Variants in COL22A1 observed in about 807,000 individuals in gnomAD.
The protein encoded by COL22A1 is collagen type XXII alpha 1 chain.
COL22A1 carries 221 observed loss-of-function variants against 248.9 expected under a neutral mutation model. That is an observed-to-expected ratio of 0.89 (90% CI 0.80 to 0.99). The LOEUF (loss-of-function observed/expected upper bound fraction) is 0.99, where lower values mean the gene tolerates loss of function less well. COL22A1 is among the 50% of genes least tolerant of loss of function. COL22A1 has a pLI of 0.00. For missense variants in COL22A1, 2,240 were observed against 2,179.0 expected (o/e 1.03, Z -0.56); for synonymous variants, 891 against 793.4 (o/e 1.12, Z -2.07).
intron 3 of COL22A1, among the ~76,000 whole-genome samples, chr8:138,861,247 G>T (rs1822433665): frequency 1.3e-5 from 2 of 152,202 alleles, no homozygotes; most frequent in Admixed American, 6.5e-5. Context: ...AAGGAGGTTA[G>T]ATCTCCACTC....
At chr8:138,882,407 C>T (rs929351710) in intron 2 of COL22A1, among the ~76,000 whole-genome samples, 1 of 92,248 alleles carries the variant, frequency 1.1e-5, no homozygotes, top group Non-Finnish European at 2.8e-5. Flanking sequence ...CAAACTCACA[C>T]ATATTCTCTC....
chr8:138,797,917 TATTG>T (rs1816688237), intron 11 of COL22A1, among the ~76,000 whole-genome samples: 4 of 152,172 alleles, frequency 2.6e-5, no homozygotes, highest in Admixed American at 2.0e-4. Flanking sequence ...TGTCTCCCTT[TATTG>T]ATTTTTTTGG....
At chr8:138,856,184 C>T (rs374604081) in intron 3 of COL22A1, among the ~76,000 whole-genome samples, 38 of 152,326 alleles carry the variant, frequency 2.5e-4, no homozygotes, top group African/African-American at 8.9e-4. Context: ...CCTCTCACCC[C>T]GAGGCTCCCC....
chr8:138,837,007 G>A (rs959571657), intron 4 of COL22A1, among the ~76,000 whole-genome samples: 1 of 152,314 alleles, frequency 6.6e-6, no homozygotes, highest in South Asian at 2.1e-4. Flanking sequence ...CAGTGAGGAA[G>A]TTATCCGGTT....
chr8:138,880,963 G>A (rs371286026), intron 2 of COL22A1, among the ~76,000 whole-genome samples: 86 of 152,222 alleles, frequency 5.6e-4, no homozygotes, highest in African/African-American at 1.1e-3. Flanking sequence ...GGGAACAGGC[G>A]GGATTGTGTG....
At chr8:138,781,667 C>T (rs1815019607) in intron 12 of COL22A1, among the ~76,000 whole-genome samples, 1 of 152,154 alleles carries the variant, frequency 6.6e-6, no homozygotes, top group African/African-American at 2.4e-5. Flanking sequence ...CTACTCCACA[C>T]ACATCCTGGA....
chr8:138,601,472 G>T (rs1169812765), intron 60 of COL22A1, among the ~76,000 whole-genome samples: 2 of 152,146 alleles, frequency 1.3e-5, no homozygotes, highest in African/African-American at 4.8e-5. Context: ...TCCGTGTCGT[G>T]CAACAGTGTG....
At chr8:138,597,902 C>A (rs779298860) in intron 61 of COL22A1, among the ~76,000 whole-genome samples, 2 of 152,172 alleles carry the variant, frequency 1.3e-5, no homozygotes, top group Non-Finnish European at 2.9e-5. Flanking sequence ...GGCTGCCTGG[C>A]GTCTTTCAGG....
At chr8:138,879,916 G>A (rs895072410) in intron 2 of COL22A1, among the ~76,000 whole-genome samples, 1 of 152,106 alleles carries the variant, frequency 6.6e-6, no homozygotes, top group African/African-American at 2.4e-5. Flanking sequence ...GTAGTGGCTG[G>A]GTGCACGAGA....
At chr8:138,748,689 C>T (rs532298899) in intron 22 of COL22A1, among the ~76,000 whole-genome samples, 1 of 152,156 alleles carries the variant, frequency 6.6e-6, no homozygotes, top group Non-Finnish European at 1.5e-5. Flanking sequence ...ATCTCCAGAC[C>T]CAGTGAATTG....
intron 60 of COL22A1, 57 bp downstream of exon 60, chr8:138,602,058 G>T: frequency 6.3e-7 from 1 of 1,586,438 alleles, no homozygotes; most frequent in Non-Finnish European, 8.7e-7. Flanking sequence ...AACATCCTGT[G>T]GCCACTGTGC....
In COL22A1 at chr8:138,850,840, A is replaced by G. The variant is rs553259185; in HGVS notation, c.659-6682T>C. On this transcript the variant is annotated intron_variant, in intron 3 of 64. Coordinates refer to ENST00000303045, the MANE Select transcript of COL22A1 (RefSeq NM_152888.3). ...TCCCCTTTCCATCCACAGTTGTCCT[A>G]AAGGTTAAATAGGATGGACAGTGGA... Among the ~76,000 whole-genome samples, 27 of 152,352 alleles carry G rather than the reference A, an allele frequency of 1.8e-4. No individual in the cohort carries two copies. The East Asian group carries it at 4.8e-3, about 27-fold the overall frequency.
intron 25 of COL22A1, among the ~76,000 whole-genome samples, chr8:138,723,923 C>T (rs181054063): frequency 7.2e-5 from 11 of 152,280 alleles, no homozygotes; most frequent in East Asian, 1.9e-4. Context: ...GCTTCACCTC[C>T]GCCTCACCCC....
chr8:138,763,503 G>A (rs1833680267), intron 16 of COL22A1, among the ~76,000 whole-genome samples: 1 of 152,174 alleles, frequency 6.6e-6, no homozygotes, highest in African/African-American at 2.4e-5. Context: ...TGGTTTTCTT[G>A]AGCCAACTCC....
At chr8:138,770,773 G>A (rs1834296352) in intron 16 of COL22A1, among the ~76,000 whole-genome samples, 1 of 152,188 alleles carries the variant, frequency 6.6e-6, no homozygotes, top group Non-Finnish European at 1.5e-5. Context: ...GCACAGAGAG[G>A]AGCCAGCTCT....
intron 6 of COL22A1, among the ~76,000 whole-genome samples, chr8:138,822,102 T>G (rs1467866310): frequency 6.6e-6 from 1 of 152,160 alleles, no homozygotes; most frequent in African/African-American, 2.4e-5. Context: ...TGGAGTGCAG[T>G]TGTGTGATCT....
intron 50 of COL22A1, among the ~76,000 whole-genome samples, chr8:138,627,085 G>T (rs185275588): frequency 3.2e-4 from 49 of 152,164 alleles, no homozygotes; most frequent in African/African-American, 1.2e-3. Flanking sequence ...TAGGCAATGC[G>T]CAATAATAAC....
At chr8:138,824,085 G>C (rs548161171) in intron 6 of COL22A1, among the ~76,000 whole-genome samples, 2 of 152,138 alleles carry the variant, frequency 1.3e-5, no homozygotes, top group African/African-American at 4.8e-5. Context: ...CTATGAGTAG[G>C]GCATAAAATA....
At chr8:138,604,835 T>G in intron 58 of COL22A1, 66 bp from the exon 59 acceptor site, 1 of 1,299,772 alleles carries the variant, frequency 7.7e-7, no homozygotes, top group South Asian at 1.2e-5. Context: ...TAAGACTGTC[T>G]TTAAAACTGA....
Sources: gnomAD v4.1 joint callset for allele counts (sites outside exome capture counted in the v4.1 genomes callset) on GRCh38, gnomAD v4.1.1 for gene constraint, MANE v1.5 for transcripts, NCBI Gene and HGNC (gene_info 2026-07-23, HGNC 2026-07-21) for gene names.